The following CRTAC1 variants were observed in gnomAD, a reference collection of about 807,000 sequenced individuals.
CRTAC1 encodes the protein acidic secreted protein in cartilage.
A neutral mutation model predicts 67.8 loss-of-function variants in CRTAC1; 37 were observed. The observed-to-expected ratio is 0.55, with a 90% confidence interval of 0.42 to 0.72. CRTAC1 has a LOEUF of 0.72. Among genes scored for constraint, CRTAC1 ranks in the 30% least tolerant of loss-of-function variants. The probability of loss-of-function intolerance (pLI) is 0.00; values close to 1 mark genes in which losing one functional copy is unlikely to be tolerated. For synonymous variants in CRTAC1, 348 were observed against 371.0 expected (o/e 0.94, Z 0.71); for missense variants, 780 against 931.6 (o/e 0.84, Z 2.12).
chr10:97,878,786 A>G, intron 14 of CRTAC1: 4 of 1,103,392 alleles, frequency 3.6e-6, no homozygotes, highest in Non-Finnish European at 4.8e-6. Flanking sequence ...TACCAGCCCA[A>G]CTCTCTTGTC....
chr10:97,880,487 G>A, intron 13 of CRTAC1, 95 bp from the exon 14 acceptor site: 2 of 1,493,316 alleles, frequency 1.3e-6, no homozygotes, highest in Admixed American at 1.8e-5. Context: ...CTTTGGGAAT[G>A]TGCCTTCCTC....
chr10:97,971,145 G>A (rs948650640), intron 2 of CRTAC1, among the ~76,000 whole-genome samples: 1 of 152,180 alleles, frequency 6.6e-6, no homozygotes, highest in Non-Finnish European at 1.5e-5. Context: ...TTGTAAAATG[G>A]TTTTGGAAAG....
In CRTAC1 at chr10:98,030,600, A is replaced by C. The variant is rs1843357789; in HGVS notation, c.-128T>G. 1 of 516,584 alleles carries C rather than the reference A, an allele frequency of 1.9e-6. No homozygotes were observed. The allele number at this position is 516,584 out of a possible 1,614,324, so 32.0% of individuals were successfully genotyped here. A position where few individuals can be genotyped will look rare whatever the true frequency, so the allele number is the denominator to read the frequency against. On this transcript the variant is annotated 5_prime_UTR_variant, in exon 1 of 15. Transcript: ENST00000370597. This position sits in a 1 kb window ranked among gnomAD's most constrained non-coding sequence, Gnocchi z 4.2. ...GGCTGGCCTCGAGCCTCCCGCCCCG[A>C]CGCCGCGCGCTCGCTTTATACAACT... is the stretch of plus-strand genomic sequence containing the variant.
At chr10:97,901,186 C>A (rs1317706222) in intron 8 of CRTAC1, among the ~76,000 whole-genome samples, 1 of 152,132 alleles carries the variant, frequency 6.6e-6, no homozygotes, top group Non-Finnish European at 1.5e-5. Flanking sequence ...GACCCTGTAG[C>A]CCCTTTTTGT....
At chr10:97,964,164 A>G (rs2051575311) in intron 2 of CRTAC1, among the ~76,000 whole-genome samples, 1 of 152,210 alleles carries the variant, frequency 6.6e-6, no homozygotes, top group African/African-American at 2.4e-5. Context: ...TGCTAATTAT[A>G]CCAATGAGCC....
chr10:97,954,929 C>A (rs931458058), intron 2 of CRTAC1, among the ~76,000 whole-genome samples: 12 of 152,264 alleles, frequency 7.9e-5, no homozygotes, highest in African/African-American at 2.9e-4. Flanking sequence ...TTTTGCCATA[C>A]AAGGTACTGT....
intron 2 of CRTAC1, among the ~76,000 whole-genome samples, chr10:98,001,585 C>G (rs1260792916): frequency 6.6e-6 from 1 of 151,996 alleles, no homozygotes; most frequent in African/African-American, 2.4e-5. Context: ...CAATTAAATG[C>G]TGCATCTCAT....
At chr10:98,005,207 C>T (rs895222725) in intron 2 of CRTAC1, among the ~76,000 whole-genome samples, 2 of 144,766 alleles carry the variant, frequency 1.4e-5, no homozygotes, top group Admixed American at 1.4e-4. Context: ...CGAGTTCAAG[C>T]GATTCTCCTG....
chr10:97,920,389 A>C (rs1222590079), intron 4 of CRTAC1, among the ~76,000 whole-genome samples: 1 of 152,200 alleles, frequency 6.6e-6, no homozygotes, highest in African/African-American at 2.4e-5. Flanking sequence ...TAATTCTGGG[A>C]GGGTGAGATG....
chr10:98,009,261 G>A (rs1357839550), intron 2 of CRTAC1, among the ~76,000 whole-genome samples: 2 of 152,150 alleles, frequency 1.3e-5, no homozygotes, highest in African/African-American at 2.4e-5. Context: ...GGTCACACTA[G>A]CCATTTCACA....
intron 2 of CRTAC1, among the ~76,000 whole-genome samples, chr10:98,001,797 C>T (rs973584235): frequency 6.6e-6 from 1 of 152,174 alleles, no homozygotes; most frequent in Non-Finnish European, 1.5e-5. Context: ...TCAAAAATAA[C>T]CTCAAAAGTT....
In CRTAC1 at chr10:97,959,143, A is replaced by G. The variant is rs527280848; in HGVS notation, c.225-22777T>C. On this transcript the variant is annotated intron_variant, in intron 2 of 14. Coordinates refer to ENST00000370597, the MANE Select transcript of CRTAC1 (RefSeq NM_018058.7). ...GTAATAAGTAAATGGTATGATGAGT[A>G]TCACATATTCAGGTGGATCGGGGTC... 2.0e-5 allele frequency among the ~76,000 whole-genome samples: 3 copies of G among 152,358 alleles called. No homozygotes were observed. In the South Asian group the frequency reaches 6.2e-4, roughly 32 times the overall value.
intron 1 of CRTAC1, among the ~76,000 whole-genome samples, chr10:98,018,742 G>A (rs982270159): frequency 1.1e-4 from 16 of 152,126 alleles, no homozygotes; most frequent in African/African-American, 3.4e-4. Context: ...CGACGTTGGC[G>A]ACAAGCAGAG....
intron 2 of CRTAC1, among the ~76,000 whole-genome samples, chr10:97,968,446 G>A (rs575695062): frequency 5.9e-5 from 9 of 152,178 alleles, no homozygotes; most frequent in East Asian, 5.8e-4. Flanking sequence ...GGGTTTCACC[G>A]TGTTAGCCAG....
intron 2 of CRTAC1, among the ~76,000 whole-genome samples, chr10:98,002,880 G>C (rs1170458903): frequency 7.3e-6 from 1 of 136,374 alleles, no homozygotes; most frequent in Non-Finnish European, 1.5e-5. Context: ...CCGGGTTCAT[G>C]CCATTCTCCT....
intron 1 of CRTAC1, among the ~76,000 whole-genome samples, chr10:98,015,826 G>A (rs912091617): frequency 6.6e-6 from 1 of 152,150 alleles, no homozygotes; most frequent in African/African-American, 2.4e-5. Context: ...AAGCTCCCAG[G>A]TGGTGGTGGT....
At chr10:97,900,056 T>C (rs777668852) in intron 8 of CRTAC1, among the ~76,000 whole-genome samples, 5 of 152,226 alleles carry the variant, frequency 3.3e-5, no homozygotes, top group Non-Finnish European at 7.3e-5. Flanking sequence ...CCTGAGATTC[T>C]AAGTCAGGGG....
Position 98,030,374 on chromosome 10 carries a change from C to G in CRTAC1, c.24+75G>C, listed in dbSNP as rs765750068. On this transcript the variant is annotated intron_variant, in intron 1 of 14. Transcript: ENST00000370597. The surrounding 1 kb of genome is among the most constrained non-coding windows in gnomAD (Gnocchi z 4.2). Reference sequence around the variant, plus strand: ...GCGGCGTCCCCGCCACCCTTGCGGGCGGATCCGGGGGGGCGCGCAGAGCTG... The same window carrying G: ...GCGGCGTCCCCGCCACCCTTGCGGGGGGATCCGGGGGGGCGCGCAGAGCTG... The G allele has an allele frequency of 8.3e-6, 8 of 968,696 alleles. No homozygotes were observed. Among genetic ancestry groups the G allele is most frequent in the Non-Finnish European group, 1.1e-5 (8 of 733,526 alleles). The allele number at this position is 968,696 out of a possible 1,614,324, so 60.0% of individuals were successfully genotyped here. A position where few individuals can be genotyped will look rare whatever the true frequency, so the allele number is the denominator to read the frequency against.
chr10:98,016,900 G>T (rs1195765181), intron 1 of CRTAC1, among the ~76,000 whole-genome samples: 1 of 149,232 alleles, frequency 6.7e-6, no homozygotes, highest in Non-Finnish European at 1.5e-5. Flanking sequence ...ATAAAGTTTT[G>T]GGGGAAAAGC....
Sources: gnomAD v4.1 joint callset for allele counts (sites outside exome capture counted in the v4.1 genomes callset) on GRCh38, gnomAD v4.1.1 for gene constraint, Gnocchi (gnomAD v3.1) non-coding constraint, MANE v1.5 for transcripts, NCBI Gene and HGNC (gene_info 2026-07-23, HGNC 2026-07-21) for gene names.